PDE4D: variants seen among roughly 807,000 people sequenced by gnomAD.
PDE4D encodes the protein phosphodiesterase 4D.
In PDE4D, 24 loss-of-function variants were observed where a neutral mutation model predicts 87.4. That is an observed-to-expected ratio of 0.27 (90% confidence interval 0.20 to 0.39). The LOEUF (loss-of-function observed/expected upper bound fraction) is 0.39, where lower values mean the gene tolerates loss of function less well. PDE4D is among the 10% of genes least tolerant of loss of function. PDE4D has a pLI of 1.00. For missense variants in PDE4D, 714 were observed against 1,041.0 expected, an observed-to-expected ratio of 0.69 and a Z score of 4.32; for synonymous variants, 384 against 383.2, an observed-to-expected ratio of 1.00 and a Z score of -0.02.
chr5:59,343,272 C>T (rs566730529), intron 1 of PDE4D, among the ~76,000 whole-genome samples: 2 of 152,154 alleles, frequency 1.3e-5, no homozygotes, highest in Admixed American at 1.3e-4. Context: ...TGAACTTATT[C>T]CTCTTGTCTA....
intron 1 of PDE4D, among the ~76,000 whole-genome samples, chr5:59,631,299 C>T (rs1831533560): frequency 6.6e-6 from 1 of 152,152 alleles, no homozygotes. Flanking sequence ...TTGAACCCAC[C>T]TGTGTTCTTA....
At chr5:59,581,892 C>T (rs979226662) in intron 1 of PDE4D, among the ~76,000 whole-genome samples, 3 of 152,098 alleles carry the variant, frequency 2.0e-5, no homozygotes, top group African/African-American at 7.2e-5. Context: ...AAAATCTTTG[C>T]TACACTATAT....
At chr5:60,391,613 A>C (rs1762565611) in intron 1 of PDE4D, among the ~76,000 whole-genome samples, 1 of 152,096 alleles carries the variant, frequency 6.6e-6, no homozygotes, top group South Asian at 2.1e-4. Context: ...TAGTTTCCTT[A>C]GTCACAATTC....
At chr5:59,280,485 A>C (rs985203343) in intron 1 of PDE4D, among the ~76,000 whole-genome samples, 2 of 151,932 alleles carry the variant, frequency 1.3e-5, no homozygotes. Flanking sequence ...TCTAATTTAA[A>C]ATTTTCTAAG....
At chr5:59,477,590 C>T (rs1397152094) in intron 1 of PDE4D, among the ~76,000 whole-genome samples, 1 of 152,026 alleles carries the variant, frequency 6.6e-6, no homozygotes, top group Non-Finnish European at 1.5e-5. Flanking sequence ...ACTGCTTATA[C>T]GCTGTTGGTG....
intron 1 of PDE4D, among the ~76,000 whole-genome samples, chr5:59,822,145 G>A (rs1769765089): frequency 6.6e-6 from 1 of 152,064 alleles, no homozygotes; most frequent in South Asian, 2.1e-4. Context: ...ATTTATATAT[G>A]ATATAATATG....
intron 1 of PDE4D, among the ~76,000 whole-genome samples, chr5:60,509,841 G>C (rs1354227015): frequency 6.6e-6 from 1 of 152,124 alleles, no homozygotes; most frequent in East Asian, 1.9e-4. Context: ...ATTAACATTT[G>C]TGATGAATAC....
At chr5:59,678,942 C>T (rs1185372657) in intron 1 of PDE4D, among the ~76,000 whole-genome samples, 2 of 152,202 alleles carry the variant, frequency 1.3e-5, no homozygotes, top group African/African-American at 4.8e-5. Context: ...TACAATCTCT[C>T]AAGTAATATA....
At chr5:59,771,482 AAAGAGAGAGAGAGAGAG>A (rs1561637440) in intron 1 of PDE4D, among the ~76,000 whole-genome samples, 37 of 111,150 alleles carry the variant, frequency 3.3e-4, no homozygotes, top group South Asian at 2.8e-3. Flanking sequence ...AGAAAGAAAG[AAAGAGAGAGAGAGAGAG>A]AAGAAAGAAA....
chr5:59,829,795 A>C (rs886766011), intron 1 of PDE4D, among the ~76,000 whole-genome samples: 1 of 151,920 alleles, frequency 6.6e-6, no homozygotes, highest in Non-Finnish European at 1.5e-5. Flanking sequence ...TGTTATTTGC[A>C]TTTCCCATAT....
chr5:60,319,038 C>T (rs958580741), intron 1 of PDE4D, among the ~76,000 whole-genome samples: 16 of 152,192 alleles, frequency 1.1e-4, no homozygotes, highest in Non-Finnish European at 2.2e-4. Context: ...GCCTGCCTTG[C>T]TAAATTGGGG....
At chr5:59,896,262 G>A (rs1393239126), upstream of PDE4D, among the ~76,000 whole-genome samples, 1 of 152,042 alleles carries the variant, frequency 6.6e-6, no homozygotes, top group Non-Finnish European at 1.5e-5. Context: ...TTTAATAAAG[G>A]TAGCAATTTT....
At chr5:60,193,994 A>G (rs576055410) in intron 1 of PDE4D, among the ~76,000 whole-genome samples, 2 of 151,184 alleles carry the variant, frequency 1.3e-5, no homozygotes, top group Admixed American at 6.6e-5. Context: ...TTCCTCCTCC[A>G]TCTGCTCTAG....
chr5:59,486,633 T>C (rs149684349), intron 1 of PDE4D, among the ~76,000 whole-genome samples: 1 of 152,284 alleles, frequency 6.6e-6, no homozygotes, highest in Non-Finnish European at 1.5e-5. Context: ...TGTAGACCCA[T>C]AGCTGTTAAA....
intron 1 of PDE4D, among the ~76,000 whole-genome samples, chr5:59,289,396 G>A (rs1010626957): frequency 2.6e-5 from 4 of 151,708 alleles, no homozygotes; most frequent in Non-Finnish European, 5.9e-5. Flanking sequence ...CGCCACCAGA[G>A]AAAATCACTT....
At position 60,152,778 on chromosome 5, in the gene PDE4D, T is replaced by C. The variant is rs1196509269; in HGVS notation, c.42+32779A>G. Among the ~76,000 whole-genome samples, 13 of 152,314 alleles carry C rather than the reference T, an allele frequency of 8.5e-5. No homozygotes were observed. In the East Asian group the frequency reaches 2.3e-3, roughly 27 times the overall value. On this transcript the variant is annotated intron_variant, in intron 2 of 16. Coordinates refer to the PDE4D transcript ENST00000502484. ...TTATTGGTCTATTAAGGTTTTCTAT[T>C]TCTTCCTGATTCAATCTTTGGAGGT...
chr5:59,698,839 C>A (rs1432978894), intron 1 of PDE4D, among the ~76,000 whole-genome samples: 1 of 152,176 alleles, frequency 6.6e-6, no homozygotes, highest in African/African-American at 2.4e-5. Context: ...TTAGTGATCA[C>A]AGATCTATAT....
At chr5:59,282,683 C>T (rs970705167) in intron 1 of PDE4D, among the ~76,000 whole-genome samples, 2 of 149,922 alleles carry the variant, frequency 1.3e-5, no homozygotes, top group Admixed American at 6.7e-5. Flanking sequence ...TGAAAAGCAG[C>T]CTGTCAAAAA....
chr5:60,037,638 C>G (rs1036827261), intron 2 of PDE4D, among the ~76,000 whole-genome samples: 5 of 152,128 alleles, frequency 3.3e-5, no homozygotes, highest in African/African-American at 1.2e-4. Flanking sequence ...GCAGAGAAGA[C>G]AGGTGATTCT....
Sources: gnomAD v4.1 joint callset for allele counts (sites outside exome capture counted in the v4.1 genomes callset) on GRCh38, gnomAD v4.1.1 for gene constraint, MANE v1.5 for transcripts, NCBI Gene and HGNC (gene_info 2026-07-23, HGNC 2026-07-21) for gene names.